BTBD9: variants seen among roughly 807,000 people sequenced by gnomAD.
BTBD9 encodes the protein BTB domain containing 9.
A neutral mutation model predicts 64.3 loss-of-function variants in BTBD9; 49 were observed. That is an observed-to-expected ratio of 0.76 (90% CI 0.61 to 0.97). BTBD9 has a LOEUF of 0.97. Among genes scored for constraint, BTBD9 ranks in the 50% least tolerant of loss-of-function variants. The probability of loss-of-function intolerance (pLI) is 0.00; values close to 1 mark genes in which losing one functional copy is unlikely to be tolerated. For missense variants in BTBD9, 598 were observed against 762.1 expected, an observed-to-expected ratio of 0.78 and a Z score of 2.53; for synonymous variants, 260 against 274.7, an observed-to-expected ratio of 0.95 and a Z score of 0.53.
chr6:38,282,738 G>A (rs1761566017), intron 8 of BTBD9, among the ~76,000 whole-genome samples: 1 of 152,180 alleles, frequency 6.6e-6, no homozygotes, highest in Non-Finnish European at 1.5e-5. Flanking sequence ...TGCCGGTGAT[G>A]CTCATCCCCA....
intron 6 of BTBD9, among the ~76,000 whole-genome samples, chr6:38,361,057 G>A (rs1384497525): frequency 1.3e-5 from 2 of 152,112 alleles, no homozygotes; most frequent in East Asian, 1.9e-4. Context: ...TTCAAGCATT[G>A]AGGGGTCTGG....
intron 6 of BTBD9, among the ~76,000 whole-genome samples, chr6:38,553,834 C>T (rs1338814902): frequency 6.6e-6 from 1 of 150,774 alleles, no homozygotes; most frequent in Non-Finnish European, 1.5e-5. Context: ...GTCTGGGTGA[C>T]AGAGCGAAAC....
chr6:38,195,267 C>G (rs1762237180), intron 9 of BTBD9, among the ~76,000 whole-genome samples: 1 of 152,178 alleles, frequency 6.6e-6, no homozygotes, highest in Admixed American at 6.5e-5. Flanking sequence ...AGAAAACCAC[C>G]TGCATTGTTT....
At chr6:38,631,144 G>A (rs1326795480) in intron 1 of BTBD9, among the ~76,000 whole-genome samples, 1 of 152,234 alleles carries the variant, frequency 6.6e-6, no homozygotes. Flanking sequence ...TAAAGCTAAT[G>A]TGATGGATAT....
At chr6:38,207,153 C>T (rs989477185) in intron 9 of BTBD9, 2 of 164,964 alleles carry the variant, frequency 1.2e-5, no homozygotes, top group African/African-American at 2.4e-5. Context: ...TGGTTAAGTA[C>T]ATTATGGTAG....
At chr6:38,504,704 G>A in intron 6 of BTBD9, 1 of 407,748 alleles carries the variant, frequency 2.5e-6, no homozygotes. Flanking sequence ...GTACCAGTGT[G>A]TAAGGATGAA....
At chr6:38,469,388 G>A (rs141331364) in intron 6 of BTBD9, among the ~76,000 whole-genome samples, 27 of 145,262 alleles carry the variant, frequency 1.9e-4, no homozygotes, top group Admixed American at 1.0e-3. Context: ...GCATGATCTC[G>A]GCTCACTGCA....
At chr6:38,292,828 C>T (rs540022805) in intron 7 of BTBD9, among the ~76,000 whole-genome samples, 3 of 152,234 alleles carry the variant, frequency 2.0e-5, no homozygotes, top group South Asian at 2.1e-4. Flanking sequence ...TTCAGTTCTG[C>T]TCTCCTCTTA....
chr6:38,325,371 A>G (rs999657736), intron 7 of BTBD9, among the ~76,000 whole-genome samples: 1 of 152,194 alleles, frequency 6.6e-6, no homozygotes, highest in African/African-American at 2.4e-5. Flanking sequence ...AGTTCTCTAT[A>G]CCTAATGGAT....
intron 1 of BTBD9, among the ~76,000 whole-genome samples, chr6:38,628,185 C>G (rs79175077): frequency 6.6e-6 from 1 of 151,960 alleles, no homozygotes; most frequent in African/African-American, 2.4e-5. Context: ...TTCACATACT[C>G]AAAAAAGGAC....
rs752328693 is a variant in BTBD9, at chr6:38,173,472, C to G, written c.*1513G>C. The stretch of plus-strand genomic sequence containing the variant: ...CCCTGCCCCGGTAGCCCTCTGATGT[C>G]TGCCATCCTGTGTTCACACGGAAAG... On this transcript the variant is annotated 3_prime_UTR_variant, in exon 11 of 11. Transcript: ENST00000481247. The G allele has an allele frequency of 6.6e-6, 1 of 152,380 alleles. No homozygotes were observed. The highest frequency in any genetic ancestry group is 1.5e-5 in the Non-Finnish European group (1 of 68,036). The allele number at this position is 152,380 out of a possible 1,614,324, so 9.4% of individuals were successfully genotyped here. A position where few individuals can be genotyped will look rare whatever the true frequency, so the allele number is the denominator to read the frequency against.
chr6:38,487,266 T>G (rs1771482390), intron 6 of BTBD9, among the ~76,000 whole-genome samples: 1 of 152,164 alleles, frequency 6.6e-6, no homozygotes, highest in Non-Finnish European at 1.5e-5. Context: ...ATTATTTTAT[T>G]TATAATCTGA....
chr6:38,220,831 A>G (rs1297387050), intron 9 of BTBD9, among the ~76,000 whole-genome samples: 3 of 152,218 alleles, frequency 2.0e-5, no homozygotes, highest in African/African-American at 4.8e-5. Flanking sequence ...GGACACTACC[A>G]GGCCTGGCAA....
intron 6 of BTBD9, chr6:38,571,928 C>T (rs1052328999): frequency 2.0e-5 from 3 of 152,184 alleles, no homozygotes; most frequent in Non-Finnish European, 4.4e-5. Flanking sequence ...CTACTGCACT[C>T]CAGCCTGGGT....
chr6:38,216,579 A>G (rs1204620356), intron 9 of BTBD9, among the ~76,000 whole-genome samples: 2 of 152,282 alleles, frequency 1.3e-5, no homozygotes, highest in African/African-American at 4.8e-5. Flanking sequence ...CCTAAACTCT[A>G]TTATTTCCCT....
At chr6:38,222,433 G>T (rs1281150554) in intron 9 of BTBD9, among the ~76,000 whole-genome samples, 1 of 151,712 alleles carries the variant, frequency 6.6e-6, no homozygotes, top group Admixed American at 6.6e-5. Context: ...TCTAATTTTT[G>T]TATTTTTAGT....
At chr6:38,236,904 G>C (rs1031011281) in intron 9 of BTBD9, among the ~76,000 whole-genome samples, 5 of 152,190 alleles carry the variant, frequency 3.3e-5, no homozygotes, top group African/African-American at 1.2e-4. Context: ...TCAGATCTGG[G>C]AAACAAAGAA....
chr6:38,296,728 T>C (rs1340913847), intron 7 of BTBD9, among the ~76,000 whole-genome samples: 1 of 152,190 alleles, frequency 6.6e-6, no homozygotes, highest in Non-Finnish European at 1.5e-5. Flanking sequence ...TTCTAAATAT[T>C]TTATAATTTC....
At chr6:38,186,037 T>C (rs1296337440) in intron 10 of BTBD9, among the ~76,000 whole-genome samples, 1 of 152,116 alleles carries the variant, frequency 6.6e-6, no homozygotes, top group Non-Finnish European at 1.5e-5. Flanking sequence ...CGTTGGAGAA[T>C]ACAGATAGGA....
Sources: gnomAD v4.1 joint callset for allele counts (sites outside exome capture counted in the v4.1 genomes callset) on GRCh38, gnomAD v4.1.1 for gene constraint, MANE v1.5 for transcripts, NCBI Gene and HGNC (gene_info 2026-07-23, HGNC 2026-07-21) for gene names.